The following SPOCK1 variants were observed in gnomAD, a reference collection of about 807,000 sequenced individuals.
SPOCK1 encodes the protein SPARC (osteonectin), cwcv and kazal like domains proteoglycan 1, also known as testican-1.
In SPOCK1, 23 loss-of-function variants were observed where a neutral mutation model predicts 55.3. That is an observed-to-expected ratio of 0.42 (90% CI 0.30 to 0.59). The LOEUF is 0.59. Ranked by LOEUF, SPOCK1 falls within the 20% of genes least tolerant of loss-of-function variation. The probability of loss-of-function intolerance (pLI) is 0.22; values close to 1 mark genes in which losing one functional copy is unlikely to be tolerated. For synonymous variants in SPOCK1, 226 were observed against 221.0 expected (o/e 1.02, Z -0.20); for missense variants, 499 against 552.5 (o/e 0.90, Z 0.97).
intron 3 of SPOCK1, among the ~76,000 whole-genome samples, chr5:137,187,909 G>A (rs1226632340): frequency 6.6e-6 from 1 of 152,238 alleles, no homozygotes; most frequent in Non-Finnish European, 1.5e-5. Flanking sequence ...TTATGAGATA[G>A]CCAAGTAATT....
At chr5:137,279,220 C>G (rs189583670) in intron 2 of SPOCK1, among the ~76,000 whole-genome samples, 1 of 152,314 alleles carries the variant, frequency 6.6e-6, no homozygotes, top group African/African-American at 2.4e-5. Context: ...CCAACTGAAA[C>G]CAAGGACACC....
chr5:136,987,142 C>G (rs1750858848), intron 8 of SPOCK1, among the ~76,000 whole-genome samples: 1 of 151,980 alleles, frequency 6.6e-6, no homozygotes, highest in Non-Finnish European at 1.5e-5. Context: ...TAGACTGATA[C>G]AGAATTTAAG....
chr5:137,475,600 T>TTTC (rs1753823398), intron 2 of SPOCK1, among the ~76,000 whole-genome samples: 1 of 134,206 alleles, frequency 7.5e-6, no homozygotes, highest in Non-Finnish European at 1.7e-5. Flanking sequence ...TTATTTATTT[T>TTTC]GAGACAAGGT....
At chr5:137,118,352 C>T (rs1753627315) in intron 4 of SPOCK1, among the ~76,000 whole-genome samples, 1 of 152,180 alleles carries the variant, frequency 6.6e-6, no homozygotes. Flanking sequence ...AGGTCATAAC[C>T]CCTCTCTTCA....
At chr5:137,001,971 A>G (rs1046180490) in intron 6 of SPOCK1, among the ~76,000 whole-genome samples, 1 of 152,210 alleles carries the variant, frequency 6.6e-6, no homozygotes, top group African/African-American at 2.4e-5. Context: ...AAATTGCATT[A>G]TATGTAATTC....
intron 5 of SPOCK1, among the ~76,000 whole-genome samples, chr5:137,072,434 C>T (rs943493626): frequency 6.6e-6 from 1 of 152,168 alleles, no homozygotes; most frequent in Non-Finnish European, 1.5e-5. Context: ...CTTATCACTG[C>T]AGACAGAAAA....
intron 4 of SPOCK1, among the ~76,000 whole-genome samples, chr5:137,117,859 C>T (rs10900847): frequency 6.6e-6 from 1 of 152,054 alleles, no homozygotes; most frequent in African/African-American, 2.4e-5. Context: ...TGCATGAGGG[C>T]CTCTGATGAT....
At chr5:137,364,680 C>T (rs561358796) in intron 2 of SPOCK1, among the ~76,000 whole-genome samples, 1 of 152,174 alleles carries the variant, frequency 6.6e-6, no homozygotes, top group Non-Finnish European at 1.5e-5. Flanking sequence ...AACCTGCCCC[C>T]CCGAGCCTAT....
chr5:137,074,972 G>T (rs1295707990), intron 5 of SPOCK1, among the ~76,000 whole-genome samples: 1 of 152,054 alleles, frequency 6.6e-6, no homozygotes, highest in Non-Finnish European at 1.5e-5. Flanking sequence ...CAAAGTGCTG[G>T]GATTACAGGC....
intron 3 of SPOCK1, among the ~76,000 whole-genome samples, chr5:137,148,250 G>A (rs1754243039): frequency 6.6e-6 from 1 of 152,194 alleles, no homozygotes; most frequent in African/African-American, 2.4e-5. Flanking sequence ...GAGAGTGTCT[G>A]GGAATTGCTT....
At chr5:137,311,565 A>G (rs538389632) in intron 2 of SPOCK1, among the ~76,000 whole-genome samples, 1 of 152,368 alleles carries the variant, frequency 6.6e-6, no homozygotes, top group African/African-American at 2.4e-5. Context: ...AATTTTAAAT[A>G]ATTTCAAACT....
chr5:137,410,703 C>T (rs539454350), intron 2 of SPOCK1, among the ~76,000 whole-genome samples: 2 of 152,378 alleles, frequency 1.3e-5, no homozygotes, highest in Admixed American at 1.3e-4. Context: ...AAGATTCACA[C>T]CTGTGAGCAT....
At chr5:137,162,273 G>C (rs2127052880) in intron 3 of SPOCK1, among the ~76,000 whole-genome samples, 1 of 151,816 alleles carries the variant, frequency 6.6e-6, no homozygotes, top group East Asian at 1.9e-4. Context: ...GACTAGCTGG[G>C]GCTACAGGCA....
intron 3 of SPOCK1, among the ~76,000 whole-genome samples, chr5:137,255,446 ACTTATACTCAAATGTTTTTT>A (rs768827543): frequency 1.3e-5 from 2 of 152,118 alleles, no homozygotes; most frequent in Non-Finnish European, 2.9e-5. Flanking sequence ...CCTTTAATTT[ACTTATACTCAAATGTTTTTT>A]CTTATACTCA....
At chr5:137,284,251 T>C (rs935632879) in intron 2 of SPOCK1, among the ~76,000 whole-genome samples, 1 of 152,178 alleles carries the variant, frequency 6.6e-6, no homozygotes, top group African/African-American at 2.4e-5. Flanking sequence ...TGGCTACAGA[T>C]TCCACCAAGT....
In SPOCK1 at chr5:137,318,045, A is replaced by C. The variant is rs1757913431; in HGVS notation, c.187-50990T>G. On this transcript the variant is annotated intron_variant, in intron 2 of 10. Coordinates refer to ENST00000394945, the MANE Select transcript of SPOCK1 (RefSeq NM_004598.4). Reference sequence around the variant, plus strand: ...CAAGCCACACAACATACACAAGCACAAATGAATTCACCAGACACCTGCAAC... The same window carrying C: ...CAAGCCACACAACATACACAAGCACCAATGAATTCACCAGACACCTGCAAC... Among the ~76,000 whole-genome samples the C allele has an allele frequency of 5.3e-5, 8 of 152,336 alleles. No individual in the cohort carries two copies. The South Asian group carries it at 1.4e-3, about 28-fold the overall frequency.
At chr5:136,991,612 G>GT (rs904301145) in intron 7 of SPOCK1, among the ~76,000 whole-genome samples, 1 of 152,168 alleles carries the variant, frequency 6.6e-6, no homozygotes, top group African/African-American at 2.4e-5. Context: ...TAAATGATGT[G>GT]TTTTTATATT....
chr5:137,113,125 G>C (rs1487967643), intron 4 of SPOCK1, among the ~76,000 whole-genome samples: 2 of 152,190 alleles, frequency 1.3e-5, no homozygotes, highest in Non-Finnish European at 2.9e-5. Context: ...ATTTGATAGA[G>C]GCTCTGAGGT....
chr5:137,496,039 A>C (rs547675395), intron 2 of SPOCK1, among the ~76,000 whole-genome samples: 46 of 152,310 alleles, frequency 3.0e-4, no homozygotes, highest in African/African-American at 1.1e-3. Flanking sequence ...AAAAACAAAA[A>C]CAAAAAAAAA....
Sources: gnomAD v4.1 joint callset for allele counts (sites outside exome capture counted in the v4.1 genomes callset) on GRCh38, gnomAD v4.1.1 for gene constraint, MANE v1.5 for transcripts, NCBI Gene and HGNC (gene_info 2026-07-23, HGNC 2026-07-21) for gene names.